PIGK: variants seen among roughly 807,000 people sequenced by gnomAD.
PIGK encodes phosphatidylinositol glycan anchor biosynthesis class K, also known as GPI-anchor transamidase.
Under a neutral mutation model 50.6 loss-of-function variants are expected in PIGK, and 42 were observed. The ratio of observed to expected loss-of-function variants is 0.83; its 90% CI spans 0.65 to 1.07. The LOEUF is 1.07. PIGK is among the 50% of genes least tolerant of loss of function. The pLI, the probability that PIGK is intolerant of heterozygous loss-of-function variation, is 0.00. For synonymous variants in PIGK, 151 were observed against 156.0 expected, an observed-to-expected ratio of 0.97 and a Z score of 0.24; for missense variants, 448 against 488.7, an observed-to-expected ratio of 0.92 and a Z score of 0.78.
chr1:77,201,863 C>G (rs1341882626), intron 3 of PIGK, among the ~76,000 whole-genome samples: 3 of 152,030 alleles, frequency 2.0e-5, no homozygotes, highest in Admixed American at 6.6e-5. Flanking sequence ...TCAAGAACAG[C>G]CTGGGCACCA....
At chr1:77,202,455 C>T (rs886987290) in intron 3 of PIGK, among the ~76,000 whole-genome samples, 98 of 152,126 alleles carry the variant, frequency 6.4e-4, no homozygotes, top group African/African-American at 2.3e-3. Flanking sequence ...TGTAGGTGAG[C>T]GACCAGTGCA....
chr1:77,101,889 A>G (rs1653550262), intron 10 of PIGK, among the ~76,000 whole-genome samples: 1 of 152,154 alleles, frequency 6.6e-6, no homozygotes, highest in African/African-American at 2.4e-5. Flanking sequence ...CTGTAGTCCC[A>G]GCTACTTGGG....
intron 10 of PIGK, among the ~76,000 whole-genome samples, chr1:77,120,980 G>T (rs1654083010): frequency 6.6e-6 from 1 of 152,068 alleles, no homozygotes; most frequent in Non-Finnish European, 1.5e-5. Context: ...TAGTTTATTG[G>T]TTCATCCATG....
chr1:77,092,745 C>G (rs1237560972), intron 10 of PIGK, among the ~76,000 whole-genome samples: 1 of 152,128 alleles, frequency 6.6e-6, no homozygotes, highest in African/African-American at 2.4e-5. Context: ...TCCCTGACTA[C>G]CTAATCATAC....
chr1:77,140,253 ACTCT>A (rs773808441), intron 9 of PIGK, among the ~76,000 whole-genome samples: 25 of 150,602 alleles, frequency 1.7e-4, no homozygotes, highest in Non-Finnish European at 3.7e-4. Flanking sequence ...ACACTCACTC[ACTCT>A]TTCTCTCTTG....
At chr1:77,136,193 G>A (rs1018369705) in intron 9 of PIGK, among the ~76,000 whole-genome samples, 1 of 152,074 alleles carries the variant, frequency 6.6e-6, no homozygotes, top group Non-Finnish European at 1.5e-5. Context: ...GTACTTTATT[G>A]GTATTACTGT....
chr1:77,158,139 C>T (rs917890732), intron 8 of PIGK, among the ~76,000 whole-genome samples: 2 of 152,154 alleles, frequency 1.3e-5, no homozygotes, highest in Non-Finnish European at 2.9e-5. Context: ...GCCTCAGCCT[C>T]CCGAGTAGCT....
chr1:77,174,990 T>C (rs1433557763), intron 3 of PIGK, among the ~76,000 whole-genome samples: 1 of 152,176 alleles, frequency 6.6e-6, no homozygotes, highest in East Asian at 1.9e-4. Context: ...TCTAATTAAT[T>C]GGCTTGAAGA....
At chr1:77,093,642 A>G (rs1308249372) in intron 10 of PIGK, among the ~76,000 whole-genome samples, 1 of 152,058 alleles carries the variant, frequency 6.6e-6, no homozygotes, top group Non-Finnish European at 1.5e-5. Context: ...TGACCTACCA[A>G]CGTTTAAAGT....
chr1:77,188,710 G>A (rs189221061), intron 3 of PIGK, among the ~76,000 whole-genome samples: 2,023 of 152,146 alleles, frequency 0.013, 43 homozygotes, highest in African/African-American at 0.047. Context: ...GGGGCATCAC[G>A]GATCCTACCA....
chr1:77,104,191 T>A lies in PIGK; in HGVS notation c.1072-11701A>T, dbSNP rs942716110. 1.3e-5 allele frequency among the ~76,000 whole-genome samples: 2 copies of A among 151,998 alleles called. 1 individual carries two copies. The highest frequency in any genetic ancestry group is 3.9e-4 in the East Asian group (2 of 5,164). On this transcript the variant is annotated intron_variant, in intron 10 of 10. Coordinates refer to ENST00000370812, the MANE Select transcript of PIGK (RefSeq NM_005482.3). ...ACAAAAAAACTAAAAACATCTAGCA[T>A]CCAATTTAAAAATCCAGGCATGCAA...
intron 4 of PIGK, among the ~76,000 whole-genome samples, chr1:77,167,533 C>G (rs1242652819): frequency 6.6e-6 from 1 of 152,050 alleles, no homozygotes; most frequent in East Asian, 1.9e-4. Flanking sequence ...CACCTGAGGC[C>G]AAGTGTTCAA....
chr1:77,147,203 G>A (rs1158680662), intron 9 of PIGK, among the ~76,000 whole-genome samples: 5 of 152,126 alleles, frequency 3.3e-5, no homozygotes, highest in East Asian at 1.9e-4. Flanking sequence ...ATCAGATCTC[G>A]TGAGACTTAT....
intron 9 of PIGK, among the ~76,000 whole-genome samples, chr1:77,139,585 T>C (rs1356640755): frequency 1.3e-5 from 2 of 152,178 alleles, no homozygotes; most frequent in Non-Finnish European, 2.9e-5. Flanking sequence ...ACACCAGCTG[T>C]TACTATCTAG....
chr1:77,093,522 A>G (rs1653343150), intron 10 of PIGK, among the ~76,000 whole-genome samples: 2 of 152,138 alleles, frequency 1.3e-5, no homozygotes, highest in Admixed American at 6.6e-5. Context: ...AATGTCCATC[A>G]ATTCAAAATT....
At position 77,129,130 on chromosome 1, in the gene PIGK, T is replaced by C. The variant is rs369002194; in HGVS notation, c.987-6771A>G. The C allele has an allele frequency of 4.3e-5, 54 of 1,257,652 alleles. No individual in the cohort carries two copies. The African/African-American group carries it at 6.5e-4, about 15-fold the overall frequency. 77.9% of individuals were successfully genotyped at this position (1,257,652 alleles called of 1,614,324 possible). ...TCTGTGAAAATGGTTCGCTACTCACTTGACCCGGAGAACCCCACGAAATCA... is the reference window on the plus strand; with the variant it reads ...TCTGTGAAAATGGTTCGCTACTCACCTGACCCGGAGAACCCCACGAAATCA... On this transcript the variant is annotated intron_variant, in intron 9 of 10. Coordinates refer to ENST00000370812, the MANE Select transcript of PIGK (RefSeq NM_005482.3).
intron 5 of PIGK, 115 bp downstream of exon 5, chr1:77,166,604 T>C: frequency 1.7e-6 from 1 of 587,578 alleles, no homozygotes; most frequent in Non-Finnish European, 3.0e-6. Context: ...TATAACTACA[T>C]GAGAAACCAT....
chr1:77,117,291 A>G (rs1654000542), intron 10 of PIGK, among the ~76,000 whole-genome samples: 1 of 152,218 alleles, frequency 6.6e-6, no homozygotes, highest in Non-Finnish European at 1.5e-5. Context: ...CAAAGGATGA[A>G]TAAGAAAAAT....
At chr1:77,147,491 G>A (rs1654797892) in intron 9 of PIGK, among the ~76,000 whole-genome samples, 1 of 152,092 alleles carries the variant, frequency 6.6e-6, no homozygotes, top group African/African-American at 2.4e-5. Context: ...TTTTCCTTAG[G>A]TAATTCTATA....
Sources: allele counts gnomAD v4.1 joint callset (sites outside exome capture counted in the v4.1 genomes callset), GRCh38; gene constraint gnomAD v4.1.1; transcripts MANE v1.5; gene names NCBI Gene and HGNC (gene_info 2026-07-23, HGNC 2026-07-21).